Variants in PPARGC1A observed in about 807,000 individuals in gnomAD.
PPARGC1A encodes the protein peroxisome proliferator-activated receptor gamma coactivator 1-alpha.
PPARGC1A carries 25 observed loss-of-function variants against 88.7 expected under a neutral mutation model. That is an observed-to-expected ratio of 0.28 (90% CI 0.21 to 0.39). The LOEUF is 0.39. PPARGC1A is among the 10% of genes least tolerant of loss of function. PPARGC1A has a pLI of 1.00. For synonymous variants in PPARGC1A, 363 were observed against 355.6 expected (o/e 1.02, Z -0.24); for missense variants, 880 against 968.7 (o/e 0.91, Z 1.22).
chr4:23,994,564 GAC>G, the PPARGC1A span, among the ~76,000 whole-genome samples: 4 of 152,078 alleles, frequency 2.6e-5, no homozygotes, highest in Non-Finnish European at 5.9e-5. Flanking sequence ...GATAATACGT[GAC>G]ACTTTCAGGT....
At chr4:24,132,400 C>T in the PPARGC1A span, among the ~76,000 whole-genome samples, 2 of 152,180 alleles carry the variant, frequency 1.3e-5, no homozygotes, top group African/African-American at 4.8e-5. Flanking sequence ...GCCTAGAGTC[C>T]CGGTGACTTT....
the PPARGC1A span, among the ~76,000 whole-genome samples, chr4:24,205,899 A>G: frequency 6.6e-6 from 1 of 152,198 alleles, no homozygotes; most frequent in Non-Finnish European, 1.5e-5. Flanking sequence ...TAAACATAAG[A>G]AACCTCTGAC....
chr4:23,992,835 T>C, the PPARGC1A span, among the ~76,000 whole-genome samples: 1 of 152,136 alleles, frequency 6.6e-6, no homozygotes, highest in African/African-American at 2.4e-5. Context: ...AGAGGCTCCT[T>C]CTAGCCAAAT....
At chr4:24,403,029 T>A in the PPARGC1A span, among the ~76,000 whole-genome samples, 1 of 152,192 alleles carries the variant, frequency 6.6e-6, no homozygotes, top group African/African-American at 2.4e-5. Flanking sequence ...AAAGTAAAAT[T>A]TGAATCCTCT....
the PPARGC1A span, among the ~76,000 whole-genome samples, chr4:24,139,421 T>C: frequency 5.7e-4 from 87 of 152,246 alleles, no homozygotes; most frequent in East Asian, 0.015. Flanking sequence ...TTCCAGACAA[T>C]TTTTGCTGAA....
the PPARGC1A span, among the ~76,000 whole-genome samples, chr4:24,197,075 T>A: frequency 6.6e-6 from 1 of 152,202 alleles, no homozygotes; most frequent in Non-Finnish European, 1.5e-5. Flanking sequence ...AATTGCCAGT[T>A]AGAAATAGAT....
the PPARGC1A span, among the ~76,000 whole-genome samples, chr4:24,040,726 C>T: frequency 0.071 from 10,871 of 152,226 alleles, 514 homozygotes; most frequent in Middle Eastern, 0.14. Flanking sequence ...TATAGTGCAA[C>T]CATAGTTTTG....
chr4:24,425,827 T>C, the PPARGC1A span, among the ~76,000 whole-genome samples: 1 of 152,208 alleles, frequency 6.6e-6, no homozygotes, highest in Non-Finnish European at 1.5e-5. Flanking sequence ...GGTGCCGAAT[T>C]CCTGATTTTT....
intron 7 of PPARGC1A, among the ~76,000 whole-genome samples, chr4:23,823,234 T>C (rs1400364690): frequency 1.3e-5 from 2 of 151,966 alleles, no homozygotes; most frequent in African/African-American, 2.4e-5. Flanking sequence ...GAATTCAGAC[T>C]ACCATACCAA....
At chr4:24,120,582 C>T in the PPARGC1A span, among the ~76,000 whole-genome samples, 1 of 152,110 alleles carries the variant, frequency 6.6e-6, no homozygotes, top group Non-Finnish European at 1.5e-5. Context: ...TATTGAATGG[C>T]AGCTATGGTC....
the PPARGC1A span, among the ~76,000 whole-genome samples, chr4:24,333,609 A>C: frequency 1.3e-5 from 2 of 152,196 alleles, no homozygotes; most frequent in Non-Finnish European, 2.9e-5. Context: ...TGTGGTTTAT[A>C]GTATAGAGCC....
At chr4:24,435,421 G>A in the PPARGC1A span, among the ~76,000 whole-genome samples, 2 of 152,166 alleles carry the variant, frequency 1.3e-5, no homozygotes, top group Non-Finnish European at 2.9e-5. Context: ...CCCCTGCATG[G>A]AAGCCCTTCC....
chr4:24,223,156 C>T, the PPARGC1A span, among the ~76,000 whole-genome samples: 1 of 151,592 alleles, frequency 6.6e-6, no homozygotes, highest in Non-Finnish European at 1.5e-5. Context: ...AAGCTATAGG[C>T]ACAAAGACAG....
At chr4:24,053,134 G>C in the PPARGC1A span, among the ~76,000 whole-genome samples, 1 of 151,322 alleles carries the variant, frequency 6.6e-6, no homozygotes, top group African/African-American at 2.4e-5. Context: ...GCCTCCCAAA[G>C]TGCCAGGATT....
the PPARGC1A span, among the ~76,000 whole-genome samples, chr4:24,452,699 C>T: frequency 6.6e-6 from 1 of 152,078 alleles, no homozygotes; most frequent in Non-Finnish European, 1.5e-5. Context: ...GAATACTGTT[C>T]CATGTGCTGG....
At chr4:24,376,759 C>G in the PPARGC1A span, among the ~76,000 whole-genome samples, 1 of 152,148 alleles carries the variant, frequency 6.6e-6, no homozygotes, top group Non-Finnish European at 1.5e-5. Flanking sequence ...CATACCTACA[C>G]GATGAACTTA....
At chr4:24,361,777 T>C in the PPARGC1A span, among the ~76,000 whole-genome samples, 2 of 152,240 alleles carry the variant, frequency 1.3e-5, no homozygotes, top group African/African-American at 4.8e-5. Flanking sequence ...CAATGTCCAC[T>C]TTCTGTTGTT....
the PPARGC1A span, among the ~76,000 whole-genome samples, chr4:24,185,208 T>C: frequency 1.3e-5 from 2 of 152,090 alleles, no homozygotes; most frequent in Admixed American, 1.3e-4. Flanking sequence ...GAAACTTGAG[T>C]AATTATGTCC....
the PPARGC1A span, among the ~76,000 whole-genome samples, chr4:23,982,389 T>G: frequency 5.9e-5 from 9 of 152,104 alleles, no homozygotes; most frequent in African/African-American, 1.9e-4. Flanking sequence ...TTCCAGCCAG[T>G]GGAGCGAAAA....
Sources: allele counts gnomAD v4.1 joint callset (sites outside exome capture counted in the v4.1 genomes callset), GRCh38; gene constraint gnomAD v4.1.1; transcripts MANE v1.5; gene names NCBI Gene and HGNC (gene_info 2026-07-23, HGNC 2026-07-21).